UNC13B: variants seen among roughly 807,000 people sequenced by gnomAD.
UNC13B encodes the protein protein unc-13 homolog B.
In UNC13B, 144 loss-of-function variants were observed where a neutral mutation model predicts 211.0. The ratio of observed to expected loss-of-function variants is 0.68; its 90% CI spans 0.60 to 0.78. UNC13B has a LOEUF of 0.78. Among genes scored for constraint, UNC13B ranks in the 30% least tolerant of loss-of-function variants. UNC13B has a pLI of 0.00. For missense variants in UNC13B, 1,777 were observed against 2,002.0 expected, an observed-to-expected ratio of 0.89 and a Z score of 2.14; for synonymous variants, 709 against 725.8, an observed-to-expected ratio of 0.98 and a Z score of 0.37.
At chr9:35,396,627 G>GAGGGA (rs1564196246) in intron 27 of UNC13B, 25 bp downstream of exon 27, 1 of 1,613,264 alleles carries the variant, frequency 6.2e-7, no homozygotes, top group Middle Eastern at 1.7e-4. Flanking sequence ...GGGCACTACA[G>GAGGGA]AGGGAAGGGA....
intron 1 of UNC13B, among the ~76,000 whole-genome samples, chr9:35,171,771 C>T (rs1821345912): frequency 6.6e-6 from 1 of 152,084 alleles, no homozygotes; most frequent in Non-Finnish European, 1.5e-5. Context: ...GCAGTTAGTT[C>T]ATTGATTTTC....
At chr9:35,198,653 A>C (rs1393356361) in intron 1 of UNC13B, among the ~76,000 whole-genome samples, 1 of 152,148 alleles carries the variant, frequency 6.6e-6, no homozygotes, top group Non-Finnish European at 1.5e-5. Flanking sequence ...AGAAGATAGA[A>C]GGATGAGGGA....
intron 5 of UNC13B, among the ~76,000 whole-genome samples, chr9:35,241,363 G>A (rs2131549510): frequency 6.6e-6 from 1 of 152,186 alleles, no homozygotes; most frequent in Non-Finnish European, 1.5e-5. Flanking sequence ...AAATAGCACT[G>A]CAATAAACAT....
Position 35,305,409 on chromosome 9 carries a change from C to T in UNC13B, c.6005C>T (p.Thr2002Met), listed in dbSNP as rs1044487728. ...NVSPIQTTENTSVSSMTIKDE... is the reference protein window; with the variant it reads ...NVSPIQTTENMSVSSMTIKDE... ...TCTCCTATACAGACAACTGAAAATA[C>T]GTCTGTTTCTTCAATGACTATTAAG... Residue 2002 changes from threonine to methionine, a missense_variant, in exon 9 of 40, where the codon ACG (threonine) becomes ATG (methionine). By Grantham distance (81) the Thr-to-Met change is moderately conservative (BLOSUM62 -1). Coordinates refer to ENST00000635942, the MANE Select transcript of UNC13B (RefSeq NM_001371189.2). The T allele has an allele frequency of 2.0e-5, 8 of 398,816 alleles. No individual in the cohort carries two copies. Among genetic ancestry groups the T allele is most frequent in the Non-Finnish European group, 3.1e-5 (7 of 226,002 alleles). The allele number at this position is 398,816 out of a possible 1,614,324, so 24.7% of individuals were successfully genotyped here. A position where few individuals can be genotyped will look rare whatever the true frequency, so the allele number is the denominator to read the frequency against.
intron 13 of UNC13B, among the ~76,000 whole-genome samples, chr9:35,371,676 T>G (rs1185144909): frequency 5.3e-5 from 8 of 152,222 alleles, no homozygotes; most frequent in Non-Finnish European, 1.2e-4. Context: ...TCTAGTTTAT[T>G]TCTTGCTATC....
chr9:35,314,022 A>C, intron 11 of UNC13B, 33 bp downstream of exon 11: 1 of 1,565,706 alleles, frequency 6.4e-7, no homozygotes, highest in Non-Finnish European at 8.8e-7. Context: ...GGTTGGGACA[A>C]TTTTTCCTTT....
chr9:35,202,434 A>T (rs538057816), intron 1 of UNC13B, among the ~76,000 whole-genome samples: 4 of 152,294 alleles, frequency 2.6e-5, no homozygotes, highest in African/African-American at 9.6e-5. Flanking sequence ...GAGCTGTCTA[A>T]CGTTGACAGT....
intron 21 of UNC13B, 146 bp from the exon 22 acceptor site, chr9:35,384,100 T>A: frequency 7.7e-7 from 1 of 1,295,944 alleles, no homozygotes; most frequent in Non-Finnish European, 1.1e-6. Context: ...CTGTTTGTTG[T>A]TCTTCCCATG....
chr9:35,231,260 A>G (rs1825187249), intron 3 of UNC13B, 41 bp downstream of exon 3: 1 of 1,349,592 alleles, frequency 7.4e-7, no homozygotes, highest in Non-Finnish European at 1.1e-6. Context: ...ATATTTTATA[A>G]TCTTTTTAAG....
chr9:35,188,019 G>A (rs561572602), intron 1 of UNC13B, among the ~76,000 whole-genome samples: 48 of 152,276 alleles, frequency 3.2e-4, no homozygotes, highest in Non-Finnish European at 5.7e-4. Flanking sequence ...GCCATAAGTA[G>A]TTCAAAATAA....
At chr9:35,331,368 C>T (rs915578018) in intron 11 of UNC13B, among the ~76,000 whole-genome samples, 2 of 152,204 alleles carry the variant, frequency 1.3e-5, no homozygotes, top group African/African-American at 4.8e-5. Flanking sequence ...GTGCCTTAGC[C>T]TCCCATGTAG....
chr9:35,349,868 G>C (rs1287788533), intron 11 of UNC13B, among the ~76,000 whole-genome samples: 3 of 152,272 alleles, frequency 2.0e-5, no homozygotes, highest in East Asian at 1.9e-4. Flanking sequence ...CCTGAAAATG[G>C]GTTGCCATGA....
At chr9:35,353,770 A>G (rs111311606) in intron 11 of UNC13B, 4 of 1,231,964 alleles carry the variant, frequency 3.2e-6, no homozygotes, top group African/African-American at 1.6e-5. Flanking sequence ...ATGAGCTAGT[A>G]CAGAAGGCAA....
intron 10 of UNC13B, among the ~76,000 whole-genome samples, chr9:35,312,726 A>T (rs910626369): frequency 1.3e-5 from 2 of 152,256 alleles, no homozygotes; most frequent in African/African-American, 4.8e-5. Context: ...TAGACCTCAA[A>T]GAGAGAAAGG....
intron 11 of UNC13B, among the ~76,000 whole-genome samples, chr9:35,356,998 T>G (rs1833066498): frequency 6.6e-6 from 1 of 152,226 alleles, no homozygotes; most frequent in South Asian, 2.1e-4. Context: ...GACATTTGAG[T>G]TATTATTACC....
In UNC13B at chr9:35,237,665, G is replaced by A. The variant is rs777780513; in HGVS notation, c.271-38G>A. Reference sequence around the variant, plus strand: ...GACTCTTGAACTAAGAGGGAGCCAAGAAAGATTAAACTTTAATCTTAGATC... The same window carrying A: ...GACTCTTGAACTAAGAGGGAGCCAAAAAAGATTAAACTTTAATCTTAGATC... On this transcript the variant is annotated intron_variant, in intron 4 of 39. Coordinates refer to ENST00000635942, the MANE Select transcript of UNC13B (RefSeq NM_001371189.2). 17 of 1,602,486 alleles carry A rather than the reference G, an allele frequency of 1.1e-5. No individual in the cohort carries two copies. In the South Asian group the frequency reaches 1.9e-4, roughly 18 times the overall value.
intron 7 of UNC13B, among the ~76,000 whole-genome samples, chr9:35,286,444 G>A (rs1348304844): frequency 6.6e-6 from 1 of 151,818 alleles, no homozygotes; most frequent in African/African-American, 2.4e-5. Context: ...TGTTGGCCAG[G>A]CTGGTCTCGA....
intron 1 of UNC13B, among the ~76,000 whole-genome samples, chr9:35,181,754 T>G (rs1821952103): frequency 6.6e-6 from 1 of 152,176 alleles, no homozygotes; most frequent in Non-Finnish European, 1.5e-5. Context: ...GTAGAATTGC[T>G]TGAACCCAGG....
At chr9:35,185,007 G>C (rs774415815) in intron 1 of UNC13B, among the ~76,000 whole-genome samples, 1 of 152,002 alleles carries the variant, frequency 6.6e-6, no homozygotes, top group African/African-American at 2.4e-5. Context: ...ATATTCATTC[G>C]TATGGGGGTT....
Sources: gnomAD v4.1 joint callset for allele counts (sites outside exome capture counted in the v4.1 genomes callset) on GRCh38, gnomAD v4.1.1 for gene constraint, MANE v1.5 for transcripts, NCBI Gene and HGNC (gene_info 2026-07-23, HGNC 2026-07-21) for gene names.